PCDHA7: variants seen among roughly 807,000 people sequenced by gnomAD.
The protein encoded by PCDHA7 is protocadherin alpha-7.
PCDHA7 carries 37 observed loss-of-function variants against 57.2 expected under a neutral mutation model. The ratio of observed to expected loss-of-function variants is 0.65; its 90% CI spans 0.50 to 0.85. The LOEUF (loss-of-function observed/expected upper bound fraction) is 0.85. Ranked by LOEUF, PCDHA7 falls within the 40% of genes least tolerant of loss-of-function variation. The pLI is 0.00. For synonymous variants in PCDHA7, 553 were observed against 558.8 expected (o/e 0.99, Z 0.15); for missense variants, 1,188 against 1,241.8 (o/e 0.96, Z 0.65).
chr5:140,959,424 G>A (rs957625236), intron 1 of PCDHA7, among the ~76,000 whole-genome samples: 1 of 152,104 alleles, frequency 6.6e-6, no homozygotes, highest in Non-Finnish European at 1.5e-5. Context: ...CTGAGAATTT[G>A]TGTATTTTTT....
intron 1 of PCDHA7, among the ~76,000 whole-genome samples, chr5:140,905,776 G>A (rs190550917): frequency 2.4e-3 from 372 of 152,186 alleles, no homozygotes; most frequent in Non-Finnish European, 4.1e-3. Context: ...ATTCCGAAGT[G>A]TATTAGTCAG....
chr5:140,999,922 C>T (rs2097883458), intron 3 of PCDHA7, among the ~76,000 whole-genome samples: 1 of 152,154 alleles, frequency 6.6e-6, no homozygotes, highest in Non-Finnish European at 1.5e-5. Context: ...AATCTTCTTC[C>T]AGCTCAACTC....
intron 1 of PCDHA7, among the ~76,000 whole-genome samples, chr5:140,923,770 G>C (rs1554201580): frequency 6.6e-6 from 1 of 152,152 alleles, no homozygotes; most frequent in East Asian, 1.9e-4. Context: ...AATCCTACTG[G>C]GTGGATGGTT....
rs2150427952 is a variant in PCDHA7 at position 140,848,985 on chromosome 5, G to A, written c.2355+12247G>A. On this transcript the variant is annotated intron_variant, in intron 1 of 3. Transcript: ENST00000525929. ...GGGCGCGTCCGATGCAGATATCGGG[G>A]AGAACGCCCTGCTCACTTACAGACT... is the stretch of plus-strand genomic sequence containing the variant. 9 of 1,598,558 alleles carry A rather than the reference G, an allele frequency of 5.6e-6. 1 individual carries two copies. The highest frequency in any genetic ancestry group is 6.0e-6 in the Non-Finnish European group (7 of 1,170,226).
chr5:140,887,018 G>C (rs965813784), intron 1 of PCDHA7, among the ~76,000 whole-genome samples: 70 of 151,906 alleles, frequency 4.6e-4, no homozygotes, highest in African/African-American at 1.6e-3. Context: ...CCTACTGCCT[G>C]AAAAATTTCT....
chr5:140,881,012 G>C (rs1445864276), intron 1 of PCDHA7, among the ~76,000 whole-genome samples: 2 of 152,202 alleles, frequency 1.3e-5, no homozygotes, highest in Admixed American at 1.3e-4. Flanking sequence ...CAGAGCTATG[G>C]AAATAAACCC....
At chr5:140,928,143 C>T (rs983552748) in intron 1 of PCDHA7, 2 of 1,614,228 alleles carry the variant, frequency 1.2e-6, no homozygotes, top group Middle Eastern at 1.6e-4. Context: ...TGATCACGGC[C>T]TCAGATAGTG....
chr5:140,923,468 G>A (rs2081380588), intron 1 of PCDHA7, among the ~76,000 whole-genome samples: 1 of 152,098 alleles, frequency 6.6e-6, no homozygotes, highest in Admixed American at 6.5e-5. Context: ...GGTAGGGGCT[G>A]CAGTGAGCCA....
At chr5:140,951,822 C>T (rs926525028) in intron 1 of PCDHA7, among the ~76,000 whole-genome samples, 11 of 152,152 alleles carry the variant, frequency 7.2e-5, no homozygotes, top group African/African-American at 2.7e-4. Flanking sequence ...AAAGTCTGAA[C>T]TCATTCCAGC....
At chr5:140,843,814 G>A in intron 1 of PCDHA7, 1 of 1,259,886 alleles carries the variant, frequency 7.9e-7, no homozygotes, top group Non-Finnish European at 1.1e-6. Context: ...ATTTTATAGT[G>A]AAAATTTAAA....
intron 1 of PCDHA7, among the ~76,000 whole-genome samples, chr5:140,975,853 C>T (rs1419464318): frequency 6.6e-6 from 1 of 152,126 alleles, no homozygotes; most frequent in African/African-American, 2.4e-5. Context: ...AATACTACAT[C>T]ACCCATATGG....
intron 1 of PCDHA7, among the ~76,000 whole-genome samples, chr5:140,960,137 T>C (rs2095528767): frequency 6.6e-6 from 1 of 152,232 alleles, no homozygotes; most frequent in African/African-American, 2.4e-5. Flanking sequence ...AATACTTAGA[T>C]ATTAATAGCT....
At chr5:140,973,068 G>T (rs1563422416) in intron 1 of PCDHA7, among the ~76,000 whole-genome samples, 1 of 152,140 alleles carries the variant, frequency 6.6e-6, no homozygotes, top group Non-Finnish European at 1.5e-5. Context: ...CAGTGTCTCA[G>T]TGGGCCCAGC....
At chr5:140,858,451 T>C in intron 1 of PCDHA7, 1 of 1,531,552 alleles carries the variant, frequency 6.5e-7, no homozygotes, top group East Asian at 2.4e-5. Context: ...GTTATTACGT[T>C]TTCATTTTCC....
At chr5:140,887,241 C>T (rs1215011038) in intron 1 of PCDHA7, among the ~76,000 whole-genome samples, 2 of 151,912 alleles carry the variant, frequency 1.3e-5, no homozygotes, top group African/African-American at 2.4e-5. Flanking sequence ...AGACTACCGG[C>T]GCCCGCCACC....
chr5:140,919,558 TAA>T (rs879969388), intron 1 of PCDHA7, among the ~76,000 whole-genome samples: 1 of 152,210 alleles, frequency 6.6e-6, no homozygotes, highest in Non-Finnish European at 1.5e-5. Flanking sequence ...TGATTTATAT[TAA>T]GTGAATATTT....
intron 1 of PCDHA7, chr5:140,869,103 G>T: frequency 6.2e-7 from 1 of 1,600,312 alleles, no homozygotes; most frequent in Non-Finnish European, 8.5e-7. Context: ...TTTCGTATGC[G>T]ATGTTTGGTT....
intron 1 of PCDHA7, chr5:140,869,288 G>T (rs950790626): frequency 6.2e-7 from 1 of 1,613,578 alleles, no homozygotes; most frequent in East Asian, 2.2e-5. Context: ...CTGGTGCAGC[G>T]CCTGTTCCGG....
intron 1 of PCDHA7, among the ~76,000 whole-genome samples, chr5:140,959,306 T>C (rs1554224009): frequency 6.6e-6 from 1 of 152,072 alleles, no homozygotes. Flanking sequence ...AGCCCGGTGG[T>C]TGAAGCTGCA....
Sources: gnomAD v4.1 joint callset for allele counts (sites outside exome capture counted in the v4.1 genomes callset) on GRCh38, gnomAD v4.1.1 for gene constraint, MANE v1.5 for transcripts, NCBI Gene and HGNC (gene_info 2026-07-23, HGNC 2026-07-21) for gene names.